Variants in STK39 observed in about 807,000 individuals in gnomAD.
STK39 encodes the protein serine/threonine kinase 39, also known as STE20/SPS1-related proline-alanine-rich protein kinase.
STK39 carries 20 observed loss-of-function variants against 77.8 expected under a neutral mutation model. The observed-to-expected ratio is 0.26, with a 90% confidence interval of 0.18 to 0.37. STK39 has a LOEUF of 0.37. STK39 is among the 10% of genes least tolerant of loss of function. The pLI is 1.00. For missense variants in STK39, 479 were observed against 656.5 expected (o/e 0.73, Z 2.95); for synonymous variants, 246 against 234.1 (o/e 1.05, Z -0.47).
chr2:168,232,215 A>G (rs2105262667), intron 1 of STK39: 1 of 190,002 alleles, frequency 5.3e-6, no homozygotes, highest in African/African-American at 2.3e-5. Flanking sequence ...GCTTGCGGCA[A>G]AAGATCTAAG....
intron 14 of STK39, among the ~76,000 whole-genome samples, chr2:168,035,796 T>C (rs558055962): frequency 2.6e-5 from 4 of 152,172 alleles, no homozygotes; most frequent in Non-Finnish European, 5.9e-5. Context: ...GTCCTTAAGA[T>C]AATTCTCATC....
intron 5 of STK39, among the ~76,000 whole-genome samples, chr2:168,147,023 C>A (rs558289039): frequency 1.3e-5 from 2 of 152,312 alleles, no homozygotes; most frequent in African/African-American, 4.8e-5. Context: ...GCCCTAGTCT[C>A]CTCTTCCGGA....
At position 168,137,947 on chromosome 2, in the gene STK39, T is replaced by C. The variant is rs566560793; in HGVS notation, c.974+141A>G. The C allele has an allele frequency of 6.0e-6, 7 of 1,176,390 alleles. No homozygotes were observed. In the East Asian group the frequency reaches 7.6e-5, roughly 13 times the overall value. The allele number at this position is 1,176,390 out of a possible 1,614,324, so 72.9% of individuals were successfully genotyped here. On this transcript the variant is annotated intron_variant, in intron 8 of 17. Coordinates refer to ENST00000355999, the MANE Select transcript of STK39 (RefSeq NM_013233.3). ...ACCCACACCGTCTTTCACTAACAGG[T>C]TGGAAATCTGGGGACCACAGCAGGG...
At chr2:168,033,343 A>T (rs1684874381) in intron 14 of STK39, among the ~76,000 whole-genome samples, 1 of 152,160 alleles carries the variant, frequency 6.6e-6, no homozygotes, top group Admixed American at 6.5e-5. Flanking sequence ...TTAGGACAAA[A>T]TCTAAGAAAG....
chr2:168,102,929 CAAA>C (rs35442749), intron 10 of STK39, among the ~76,000 whole-genome samples: 1,479 of 49,990 alleles, frequency 0.03, 13 homozygotes, highest in African/African-American at 0.094. Context: ...GAATCCGTCT[CAAA>C]AAAAAAAAAA....
At chr2:168,218,195 C>T (rs1053968116) in intron 1 of STK39, among the ~76,000 whole-genome samples, 1 of 152,220 alleles carries the variant, frequency 6.6e-6, no homozygotes, top group Non-Finnish European at 1.5e-5. Context: ...TAACCCCACA[C>T]TCTAACAAAG....
At chr2:168,076,636 G>GA (rs1686085230) in intron 10 of STK39, among the ~76,000 whole-genome samples, 1 of 152,084 alleles carries the variant, frequency 6.6e-6, no homozygotes, top group South Asian at 2.1e-4. Context: ...AAGTCAGCAA[G>GA]AAAGTACAAA....
intron 1 of STK39, among the ~76,000 whole-genome samples, 167 bp downstream of exon 1, chr2:168,247,061 T>TAAAAAAAAAAAAAA (rs755613797): frequency 3.4e-5 from 3 of 89,296 alleles, no homozygotes; most frequent in African/African-American, 1.4e-4. Flanking sequence ...CATTAAAAAT[T>TAAAAAAAAAAAAAA]AAAAAAAAAA....
At chr2:168,022,364 T>C (rs1684591811) in intron 14 of STK39, among the ~76,000 whole-genome samples, 1 of 152,234 alleles carries the variant, frequency 6.6e-6, no homozygotes, top group Non-Finnish European at 1.5e-5. Flanking sequence ...TTTATGCTCT[T>C]ACCCACCATT....
At chr2:168,167,173 T>C (rs1479349113) in intron 3 of STK39, 126 bp downstream of exon 3, 4 of 780,562 alleles carry the variant, frequency 5.1e-6, no homozygotes, top group Non-Finnish European at 8.3e-6. Flanking sequence ...CTCTAGGCAA[T>C]GAGAAACCAA....
intron 1 of STK39, among the ~76,000 whole-genome samples, chr2:168,233,272 G>C (rs1238291265): frequency 2.0e-5 from 3 of 152,152 alleles, no homozygotes; most frequent in Non-Finnish European, 4.4e-5. Flanking sequence ...CTGGGTTTCA[G>C]ACTTCAGAAA....
intron 10 of STK39, among the ~76,000 whole-genome samples, chr2:168,111,796 T>G (rs903386867): frequency 6.6e-6 from 1 of 152,206 alleles, no homozygotes; most frequent in African/African-American, 2.4e-5. Flanking sequence ...AAATGTGATA[T>G]GCAATGTAAG....
chr2:168,032,852 G>A (rs187151817), intron 14 of STK39, among the ~76,000 whole-genome samples: 6 of 152,310 alleles, frequency 3.9e-5, no homozygotes, highest in Non-Finnish European at 8.8e-5. Flanking sequence ...TATGTCTGAG[G>A]CAAAATAAAA....
intron 5 of STK39, among the ~76,000 whole-genome samples, chr2:168,158,135 C>T (rs1201941171): frequency 6.6e-6 from 1 of 152,128 alleles, no homozygotes; most frequent in Non-Finnish European, 1.5e-5. Flanking sequence ...ACATGACTTT[C>T]GAGTAGCCAC....
At position 168,070,913 on chromosome 2, in the gene STK39, T is replaced by C. The variant is rs971688440; in HGVS notation, c.1242+4069A>G. On this transcript the variant is annotated intron_variant, in intron 12 of 17. Transcript: ENST00000355999. ...AATGCAATTCTAAAATCTTACAGAT[T>C]ATACTGGAAATTCTCTTGGACTTAG... Among the ~76,000 whole-genome samples the C allele has an allele frequency of 3.3e-5, 5 of 152,304 alleles. No homozygotes were observed. In the South Asian group the frequency reaches 1.0e-3, roughly 32 times the overall value.
chr2:168,023,480 T>C (rs1684621689), intron 14 of STK39, among the ~76,000 whole-genome samples: 1 of 152,124 alleles, frequency 6.6e-6, no homozygotes, highest in African/African-American at 2.4e-5. Flanking sequence ...GATTGAAGTA[T>C]ATATTTTACA....
intron 8 of STK39, among the ~76,000 whole-genome samples, chr2:168,136,485 T>C (rs777350422): frequency 1.3e-5 from 2 of 152,214 alleles, no homozygotes; most frequent in Non-Finnish European, 2.9e-5. Flanking sequence ...TATTATATCA[T>C]TAAGTACACT....
chr2:168,233,055 C>A (rs573053817), intron 1 of STK39, among the ~76,000 whole-genome samples: 10 of 152,254 alleles, frequency 6.6e-5, no homozygotes, highest in South Asian at 4.1e-4. Context: ...ACTTTTTAAA[C>A]AACTGATGGG....
At chr2:168,104,505 G>T (rs987205796) in intron 10 of STK39, among the ~76,000 whole-genome samples, 4 of 152,170 alleles carry the variant, frequency 2.6e-5, no homozygotes, top group Non-Finnish European at 4.4e-5. Context: ...GAGCCCATAG[G>T]GGGAGTTACA....
Sources: gnomAD v4.1 joint callset for allele counts (sites outside exome capture counted in the v4.1 genomes callset) on GRCh38, gnomAD v4.1.1 for gene constraint, MANE v1.5 for transcripts, NCBI Gene and HGNC (gene_info 2026-07-23, HGNC 2026-07-21) for gene names.